Variants in MED12L observed in about 807,000 individuals in gnomAD.
MED12L encodes mediator complex subunit 12L.
In MED12L, 60 loss-of-function variants were observed where a neutral mutation model predicts 281.3. The ratio of observed to expected loss-of-function variants is 0.21; its 90% confidence interval spans 0.17 to 0.26. The LOEUF (loss-of-function observed/expected upper bound fraction) is 0.26. Ranked by LOEUF, MED12L falls within the 10% of genes least tolerant of loss-of-function variation. The pLI is 1.00. For missense variants in MED12L, 2,146 were observed against 2,680.9 expected, an observed-to-expected ratio of 0.80 and a Z score of 4.41; for synonymous variants, 974 against 987.2, an observed-to-expected ratio of 0.99 and a Z score of 0.25.
chr3:151,223,175 C>CAA (rs10646837), intron 16 of MED12L, among the ~76,000 whole-genome samples: 41,927 of 126,762 alleles, frequency 0.33, 6,491 homozygotes, highest in South Asian at 0.35. Flanking sequence ...TTAAAAAGTC[C>CAA]AAAAAAAAAA....
At chr3:151,399,951 C>T (rs1431393988) in intron 39 of MED12L, among the ~76,000 whole-genome samples, 2 of 152,092 alleles carry the variant, frequency 1.3e-5, no homozygotes, top group Admixed American at 1.3e-4. Flanking sequence ...CTCAGCCTCC[C>T]GAGTAGCTGG....
At chr3:151,337,691 TTC>T (rs1751193365) in intron 16 of MED12L, 1 of 961,286 alleles carries the variant, frequency 1.0e-6, no homozygotes, top group Non-Finnish European at 1.5e-6. Context: ...TTTTGTAATC[TTC>T]TGTTTCTTTA....
In MED12L at chr3:151,382,646, C is replaced by T. The variant is rs187903371; in HGVS notation, c.4591-10C>T. The T allele has an allele frequency of 1.3e-5, 21 of 1,591,866 alleles. No individual in the cohort carries two copies. Among genetic ancestry groups the T allele is most frequent in the African/African-American group, 6.8e-5 (5 of 73,498 alleles). ...TAAACTTTAATGGGGAGTTTTTTTCCGGATCTTAGATTTTAAGTAACTGGA... is the reference window on the plus strand; with the variant it reads ...TAAACTTTAATGGGGAGTTTTTTTCTGGATCTTAGATTTTAAGTAACTGGA... On this transcript the variant is annotated splice_polypyrimidine_tract_variant and intron_variant, in intron 32 of 44. Transcript: ENST00000687756.
intron 2 of MED12L, among the ~76,000 whole-genome samples, chr3:151,096,932 G>A (rs1285446650): frequency 2.0e-5 from 3 of 152,224 alleles, no homozygotes; most frequent in Non-Finnish European, 4.4e-5. Context: ...TTGAGAGCTG[G>A]TAACTCTTCA....
intron 43 of MED12L, among the ~76,000 whole-genome samples, chr3:151,422,278 T>A (rs948723220): frequency 6.6e-6 from 1 of 152,222 alleles, no homozygotes; most frequent in Non-Finnish European, 1.5e-5. Flanking sequence ...CCTAACAAAG[T>A]ACGCAAACTA....
At chr3:151,141,187 G>GTTTTTTTT (rs76965310) in intron 5 of MED12L, among the ~76,000 whole-genome samples, 7 of 99,104 alleles carry the variant, frequency 7.1e-5, no homozygotes, top group African/African-American at 2.4e-4. Flanking sequence ...TGTTTTTTTT[G>GTTTTTTTT]TTTTTTTTTT....
chr3:151,233,688 G>A (rs74715168), intron 16 of MED12L, among the ~76,000 whole-genome samples: 6,475 of 152,266 alleles, frequency 0.043, 168 homozygotes, highest in East Asian at 0.11. Flanking sequence ...AGCCGAGATC[G>A]TGCCATTGCA....
At chr3:151,180,287 A>G (rs1722560216) in intron 11 of MED12L, among the ~76,000 whole-genome samples, 1 of 152,184 alleles carries the variant, frequency 6.6e-6, no homozygotes, top group African/African-American at 2.4e-5. Context: ...TCAGGTTGAG[A>G]TCTCAGATGT....
chr3:151,226,115 ATGGGG>A (rs1730441814), intron 16 of MED12L, among the ~76,000 whole-genome samples: 1 of 152,204 alleles, frequency 6.6e-6, no homozygotes, highest in Non-Finnish European at 1.5e-5. Context: ...AAGGTATGAC[ATGGGG>A]TCATCATTGA....
rs909238531 is a variant in MED12L at position 151,327,910 on chromosome 3, T to A, written c.2251-22149T>A. The stretch of plus-strand genomic sequence containing the variant: ...ATGTAAGAGAGCATTTGTTCCAATC[T>A]TTTTTTCTTGGTTAAATTTGATTTC... On this transcript the variant is annotated intron_variant, in intron 16 of 44. Coordinates refer to ENST00000687756, the MANE Select transcript of MED12L (RefSeq NM_001393769.1). 5 of 1,033,434 alleles carry A rather than the reference T, an allele frequency of 4.8e-6. No homozygotes were observed. In the African/African-American group the frequency reaches 8.0e-5, roughly 17 times the overall value. The allele number at this position is 1,033,434 out of a possible 1,614,324, so 64.0% of individuals were successfully genotyped here.
intron 5 of MED12L, among the ~76,000 whole-genome samples, chr3:151,142,330 T>C (rs1381454943): frequency 6.6e-6 from 1 of 152,228 alleles, no homozygotes; most frequent in Admixed American, 6.5e-5. Flanking sequence ...GAAGAATGCT[T>C]CCAAAAGCTC....
chr3:151,131,518 GA>G (rs1650817928), intron 5 of MED12L, among the ~76,000 whole-genome samples: 1 of 152,070 alleles, frequency 6.6e-6, no homozygotes. Flanking sequence ...GAGGTGAGGG[GA>G]TAGCTTGAGT....
chr3:151,382,994 G>A (rs1205045829), intron 33 of MED12L, among the ~76,000 whole-genome samples: 1 of 152,146 alleles, frequency 6.6e-6, no homozygotes, highest in Admixed American at 6.5e-5. Context: ...CTCTACCCCA[G>A]TGAATCTCTC....
At chr3:151,407,462 A>G (rs905354482) in intron 39 of MED12L, among the ~76,000 whole-genome samples, 2 of 152,220 alleles carry the variant, frequency 1.3e-5, no homozygotes, top group African/African-American at 4.8e-5. Flanking sequence ...AAGAAGCACA[A>G]CAGTATGTCT....
chr3:151,146,205 A>G (rs532936415), intron 5 of MED12L, among the ~76,000 whole-genome samples: 2 of 152,216 alleles, frequency 1.3e-5, no homozygotes, highest in East Asian at 3.9e-4. Context: ...TCTGGTGACC[A>G]TTTTGTGCAC....
intron 28 of MED12L, 101 bp downstream of exon 28, chr3:151,376,315 T>C (rs1304430758): frequency 1.0e-6 from 1 of 972,278 alleles, no homozygotes; most frequent in East Asian, 3.0e-5. Context: ...ATTTGTGATT[T>C]CAATTCTGAT....
intron 43 of MED12L, among the ~76,000 whole-genome samples, chr3:151,428,268 C>T (rs1719083209): frequency 6.6e-6 from 1 of 152,116 alleles, no homozygotes. Flanking sequence ...GTACCTGGCA[C>T]ATAGTACAAT....
intron 16 of MED12L, chr3:151,328,257 A>G (rs1477016523): frequency 6.2e-7 from 1 of 1,614,054 alleles, no homozygotes; most frequent in Admixed American, 1.7e-5. Context: ...GGAGCAAAAC[A>G]CACAAAGAAG....
chr3:151,351,833 C>T (rs1406125600), intron 17 of MED12L, among the ~76,000 whole-genome samples: 1 of 152,106 alleles, frequency 6.6e-6, no homozygotes, highest in African/African-American at 2.4e-5. Context: ...TTCTGTTGAG[C>T]GTACTAACTT....
Sources: gnomAD v4.1 joint callset for allele counts (sites outside exome capture counted in the v4.1 genomes callset) on GRCh38, gnomAD v4.1.1 for gene constraint, MANE v1.5 for transcripts, NCBI Gene and HGNC (gene_info 2026-07-23, HGNC 2026-07-21) for gene names.